Variants in HACE1 observed in about 807,000 individuals in gnomAD.
HACE1 encodes the protein E3 ubiquitin-protein ligase HACE1.
A neutral mutation model predicts 118.4 loss-of-function variants in HACE1; 73 were observed. The ratio of observed to expected loss-of-function variants is 0.62; its 90% CI spans 0.51 to 0.75. The LOEUF is 0.75. Ranked by LOEUF, HACE1 falls within the 30% of genes least tolerant of loss-of-function variation. The pLI is 0.00. For synonymous variants in HACE1, 368 were observed against 374.8 expected, an observed-to-expected ratio of 0.98 and a Z score of 0.21; for missense variants, 749 against 1,102.2, an observed-to-expected ratio of 0.68 and a Z score of 4.54.
intron 22 of HACE1, among the ~76,000 whole-genome samples, chr6:104,742,942 G>GA (rs1416599830): frequency 9.2e-5 from 14 of 152,140 alleles, no homozygotes; most frequent in African/African-American, 3.4e-4. Context: ...ACTGGATTAA[G>GA]AAAATGTGGC....
At chr6:104,827,785 T>G (rs969295344) in intron 6 of HACE1, among the ~76,000 whole-genome samples, 6 of 152,140 alleles carry the variant, frequency 3.9e-5, no homozygotes, top group African/African-American at 1.4e-4. Context: ...TGAACATAGT[T>G]GAGCACTGTT....
In HACE1 at chr6:104,849,188, G is replaced by T. The variant is rs1181638905; in HGVS notation, c.280C>A (p.Gln94Lys). 1 of 1,610,730 alleles carries T rather than the reference G, an allele frequency of 6.2e-7. No individual in the cohort carries two copies. The highest frequency in any genetic ancestry group is 2.2e-5 in the East Asian group (1 of 44,860). Residue 94 changes from glutamine to lysine, a missense_variant, in exon 4 of 24, where the codon CAA becomes AAA. Around this residue, in one of 5 missense-constraint regions of HACE1, gnomAD observed 120 missense variants for 219.1 expected, o/e 0.55. Coordinates refer to ENST00000262903, the MANE Select transcript of HACE1 (RefSeq NM_020771.4). Reference sequence around the variant, plus strand: ...AGGGGTGTACAGCCTGAAATATCTTGATAGTTAGGATTTGCTCCTTTCTTT... The same window carrying T: ...AGGGGTGTACAGCCTGAAATATCTTTATAGTTAGGATTTGCTCCTTTCTTT... ...LLKKGANPNY[Q>K]DISGCTPLHL...
At chr6:104,811,187 T>C (rs757956007) in intron 7 of HACE1, 124 bp downstream of exon 7, 31 of 206,922 alleles carry the variant, frequency 1.5e-4, no homozygotes, top group Non-Finnish European at 2.4e-4. Flanking sequence ...CACAGAAACG[T>C]GTGTGTCTAG....
In HACE1 at chr6:104,857,153, A is replaced by ATATTTACATATATATATT. The variant is rs1562524347; in HGVS notation, c.76+2396_76+2413dup. Among the ~76,000 whole-genome samples the ATATTTACATATATATATT allele has an allele frequency of 8.8e-5, 13 of 148,142 alleles. No individual in the cohort carries two copies. The Admixed American group carries it at 8.8e-4, about 10-fold the overall frequency. Reference sequence around the variant, plus strand: ...TTGTATCAGTAGGAATGTTATATATATATTTACATATATATATTTATTTAC... The same window carrying ATATTTACATATATATATT: ...TTGTATCAGTAGGAATGTTATATATATATTTACATATATATATTTATTTACATATATATATTTATTTAC... On this transcript the variant is annotated intron_variant, in intron 1 of 23. Transcript: ENST00000262903.
chr6:104,752,020 T>A (rs1778110193), intron 19 of HACE1, among the ~76,000 whole-genome samples: 1 of 151,084 alleles, frequency 6.6e-6, no homozygotes, highest in Non-Finnish European at 1.5e-5. Flanking sequence ...TCTATATGAC[T>A]GCTAGCTATG....
chr6:104,812,120 T>TAAAA (rs11324245), intron 6 of HACE1, among the ~76,000 whole-genome samples: 1 of 149,730 alleles, frequency 6.7e-6, no homozygotes, highest in Non-Finnish European at 1.5e-5. Context: ...TGAAAACCTT[T>TAAAA]AAAAAAAAAA....
intron 1 of HACE1, among the ~76,000 whole-genome samples, chr6:104,853,982 T>C (rs912717215): frequency 6.6e-6 from 1 of 152,194 alleles, no homozygotes; most frequent in African/African-American, 2.4e-5. Context: ...TACTATACTG[T>C]AATAAAAGTT....
intron 19 of HACE1, among the ~76,000 whole-genome samples, chr6:104,762,403 C>A (rs1779460441): frequency 6.6e-6 from 1 of 152,124 alleles, no homozygotes; most frequent in African/African-American, 2.4e-5. Flanking sequence ...TTTGCAGGGA[C>A]ATGGATGAAG....
intron 2 of HACE1, 88 bp downstream of exon 2, chr6:104,852,229 G>GTGTGCA: frequency 3.2e-6 from 2 of 624,516 alleles, no homozygotes; most frequent in Middle Eastern, 2.6e-4. Flanking sequence ...GTGTGTGTGT[G>GTGTGCA]CGCGCGTGCG....
rs17857038 is a variant in HACE1 at position 104,785,273 on chromosome 6, A to G, written c.1121T>C (p.Ile374Thr). The change falls in exon 12 of 24, where the codon ATA (isoleucine) becomes ACA (threonine). Residue 374 changes from isoleucine (I) to threonine (T), a missense_variant. Transcript: ENST00000262903. Reference protein sequence around the residue: ...WHSLDEWLVLIATELMKNKRD... With the variant: ...WHSLDEWLVLTATELMKNKRD... ...TTTGTTTTTCATCAATTCTGTGGCT[A>G]TTAAAACTAGCCATTCATCTAACGA... 6.2e-7 allele frequency: 1 copy of G among 1,612,796 alleles called. No homozygotes were observed.
chr6:104,847,158 C>G (rs1253764414), intron 4 of HACE1, among the ~76,000 whole-genome samples: 1 of 152,194 alleles, frequency 6.6e-6, no homozygotes, highest in Non-Finnish European at 1.5e-5. Flanking sequence ...CCTTTCAAGT[C>G]TAAGACTTAT....
At chr6:104,792,585 C>G (rs953890237) in intron 10 of HACE1, among the ~76,000 whole-genome samples, 6 of 152,114 alleles carry the variant, frequency 3.9e-5, no homozygotes, top group African/African-American at 1.4e-4. Context: ...TGAACTTCTG[C>G]GCAGAACAGC....
chr6:104,760,360 G>A (rs9499959), intron 19 of HACE1, among the ~76,000 whole-genome samples: 5,137 of 152,132 alleles, frequency 0.034, 271 homozygotes, highest in African/African-American at 0.12. Flanking sequence ...CGATCAAGTC[G>A]GCTTCATCCC....
intron 22 of HACE1, among the ~76,000 whole-genome samples, chr6:104,736,501 C>T (rs1775854033): frequency 6.6e-6 from 1 of 152,030 alleles, no homozygotes; most frequent in African/African-American, 2.4e-5. Context: ...AGGCTGGTCC[C>T]AAACTCCTGA....
intron 6 of HACE1, among the ~76,000 whole-genome samples, chr6:104,817,719 G>A (rs1031344864): frequency 2.0e-5 from 3 of 152,104 alleles, no homozygotes; most frequent in African/African-American, 7.2e-5. Flanking sequence ...AGAAAACTGA[G>A]CAAACCCAAT....
chr6:104,843,403 C>T (rs1775303809), intron 4 of HACE1, 105 bp from the exon 5 acceptor site: 2 of 738,448 alleles, frequency 2.7e-6, no homozygotes, highest in South Asian at 2.8e-5. Context: ...CTGATGACAT[C>T]ATAACATCTT....
At chr6:104,733,217 C>CA (rs1219932968) in intron 22 of HACE1, among the ~76,000 whole-genome samples, 1 of 152,114 alleles carries the variant, frequency 6.6e-6, no homozygotes, top group East Asian at 1.9e-4. Context: ...AATTATAGCA[C>CA]AGTATTTCAA....
At chr6:104,782,179 T>G (rs974405427) in intron 14 of HACE1, among the ~76,000 whole-genome samples, 1 of 152,204 alleles carries the variant, frequency 6.6e-6, no homozygotes, top group Non-Finnish European at 1.5e-5. Context: ...AACAGTATCA[T>G]ACAGTGTAGG....
Position 104,843,260 on chromosome 6 carries a change from G to T in HACE1, c.365C>A (p.Ala122Asp). The T allele has an allele frequency of 6.5e-7, 1 of 1,547,998 alleles. No individual in the cohort carries two copies. The highest frequency in any genetic ancestry group is 8.9e-7 in the Non-Finnish European group (1 of 1,120,058). ...KCMSKLLEYS[A>D]DVNICNNEGL... ...TTCATTATTACAAATGTTGACATCA[G>T]CGCTATATTCTAATAATTTACTCAT... Residue 122 changes from alanine to aspartate, a missense_variant, in exon 5 of 24, where the codon GCT becomes GAT. This residue lies in a region of HACE1 where 120 missense variants were observed against 219.1 expected (regional missense o/e 0.55). Transcript: ENST00000262903.
Sources: gnomAD v4.1 joint callset for allele counts (sites outside exome capture counted in the v4.1 genomes callset) on GRCh38, gnomAD v4.1.1 for gene constraint, gnomAD v4.1.1 regional missense constraint, MANE v1.5 for transcripts, NCBI Gene and HGNC (gene_info 2026-07-23, HGNC 2026-07-21) for gene names.